The following PITPNM2 variants were observed in gnomAD, a reference collection of about 807,000 sequenced individuals.
PITPNM2 encodes membrane-associated phosphatidylinositol transfer protein 2.
Under a neutral mutation model 132.2 loss-of-function variants are expected in PITPNM2, and 35 were observed. That is an observed-to-expected ratio of 0.26 (90% confidence interval 0.20 to 0.35). The LOEUF (loss-of-function observed/expected upper bound fraction) is 0.35, where lower values mean the gene tolerates loss of function less well. Ranked by LOEUF, PITPNM2 falls within the 10% of genes least tolerant of loss-of-function variation. The pLI is 1.00. For missense variants in PITPNM2, 1,332 were observed against 1,912.0 expected (o/e 0.70, Z 5.66); for synonymous variants, 738 against 799.2 (o/e 0.92, Z 1.29).
chr12:123,011,210 G>T (rs2039189629), intron 5 of PITPNM2, among the ~76,000 whole-genome samples: 1 of 152,230 alleles, frequency 6.6e-6, no homozygotes, highest in African/African-American at 2.4e-5. Context: ...GCCCTTGGCT[G>T]CCTCATTTTC....
At chr12:123,085,610 A>G (rs2042089890) in intron 2 of PITPNM2, among the ~76,000 whole-genome samples, 2 of 152,228 alleles carry the variant, frequency 1.3e-5, no homozygotes, top group African/African-American at 4.8e-5. Flanking sequence ...ACACATTCTA[A>G]ATGTACTTAT....
At chr12:123,068,767 G>C (rs2041530254) in intron 2 of PITPNM2, among the ~76,000 whole-genome samples, 1 of 152,200 alleles carries the variant, frequency 6.6e-6, no homozygotes. Flanking sequence ...TGGAATCTCA[G>C]AGAGCTCCAG....
rs2041834235 is a variant in PITPNM2 at position 123,077,654 on chromosome 12, G to A, written c.-96+32731C>T. Among the ~76,000 whole-genome samples the A allele has an allele frequency of 6.6e-6, 1 of 152,178 alleles. No individual in the cohort carries two copies. The highest frequency in any genetic ancestry group is 6.5e-5 in the Admixed American group (1 of 15,282). On this transcript the variant is annotated intron_variant, in intron 2 of 25. Transcript: ENST00000320201. The surrounding 1 kb of genome is among the most constrained non-coding windows in gnomAD (Gnocchi z 4.8). The stretch of plus-strand genomic sequence containing the variant: ...CCCCTCTGAGTTCTGAGCATGCCAG[G>A]TGAGGCCTCTCCCTCTCTCTCTCCC...
intron 2 of PITPNM2, among the ~76,000 whole-genome samples, chr12:123,061,956 G>A (rs1055376163): frequency 6.6e-6 from 1 of 152,122 alleles, no homozygotes; most frequent in African/African-American, 2.4e-5. Flanking sequence ...TCTAACAAAG[G>A]GACTCTGAGA....
At chr12:123,062,447 C>T (rs2041272086) in intron 2 of PITPNM2, among the ~76,000 whole-genome samples, 1 of 152,124 alleles carries the variant, frequency 6.6e-6, no homozygotes, top group South Asian at 2.1e-4. Context: ...CTGTGGACAG[C>T]ATTGCCCACT....
At chr12:123,017,716 C>G (rs906163256) in intron 3 of PITPNM2, among the ~76,000 whole-genome samples, 6 of 152,216 alleles carry the variant, frequency 3.9e-5, no homozygotes, top group African/African-American at 1.2e-4. Context: ...CATACCACAA[C>G]ATGGATGAAC....
At chr12:123,020,482 A>G (rs979610163) in intron 3 of PITPNM2, among the ~76,000 whole-genome samples, 18 of 152,166 alleles carry the variant, frequency 1.2e-4, no homozygotes, top group African/African-American at 4.1e-4. Flanking sequence ...GAGGAGCACA[A>G]TCTAATCTGG....
chr12:123,100,429 C>T (rs539062461), intron 2 of PITPNM2, among the ~76,000 whole-genome samples: 2 of 152,292 alleles, frequency 1.3e-5, no homozygotes, highest in African/African-American at 4.8e-5. Flanking sequence ...AGATCGAGAC[C>T]AGCCTGACCA....
intron 2 of PITPNM2, among the ~76,000 whole-genome samples, chr12:123,056,870 G>A (rs1256849201): frequency 6.6e-6 from 1 of 152,152 alleles, no homozygotes; most frequent in Non-Finnish European, 1.5e-5. Context: ...GCAGACCCAG[G>A]AGGTGGCAGT....
Position 123,011,181 on chromosome 12 carries a change from T to C in PITPNM2, c.416-1104A>G, listed in dbSNP as rs73411044. Among the ~76,000 whole-genome samples the C allele has an allele frequency of 6.6e-3, 1,005 of 152,324 alleles. 14 individuals are homozygous for C. Among genetic ancestry groups the C allele is most frequent in the African/African-American group, 0.023 (948 of 41,570 alleles). ...TGGCTCACAGAACCCTTTTTTGCGG[T>C]CGGTTCTGCTCTAGCCAGGCCCTTG... On this transcript the variant is annotated intron_variant, in intron 5 of 25. Transcript: ENST00000320201.
At chr12:123,151,569 C>T (rs1363447085), upstream of PITPNM2, among the ~76,000 whole-genome samples, 1 of 152,120 alleles carries the variant, frequency 6.6e-6, no homozygotes, top group Admixed American at 6.5e-5. Context: ...TCCGCGCTCT[C>T]CCCTCAGGAC....
In PITPNM2 at chr12:123,008,351, G is replaced by A. The variant is rs754191964; in HGVS notation, c.643+1499C>T. 1.1e-4 allele frequency among the ~76,000 whole-genome samples: 17 copies of A among 152,226 alleles called. No homozygotes were observed. Among genetic ancestry groups the A allele is most frequent in the Non-Finnish European group, 1.8e-4 (12 of 68,036 alleles). ...CCTGTGCAGGGCTGAACCTAGAGAA[G>A]CCTTGAGGAGAGGGTGGGACGAGTC... is the stretch of plus-strand genomic sequence containing the variant. On this transcript the variant is annotated intron_variant, in intron 6 of 25. Coordinates refer to ENST00000320201, the MANE Select transcript of PITPNM2 (RefSeq NM_020845.3). The surrounding 1 kb of genome is among the most constrained non-coding windows in gnomAD (Gnocchi z 4.1).
intron 5 of PITPNM2, among the ~76,000 whole-genome samples, 163 bp downstream of exon 5, chr12:123,012,450 G>A (rs141268230): frequency 4.6e-5 from 7 of 152,354 alleles, no homozygotes; most frequent in Non-Finnish European, 8.8e-5. Flanking sequence ...GGCCTGCCCT[G>A]CCTCCCCCAT....
At chr12:123,112,473 T>C (rs904252303) in intron 1 of PITPNM2, among the ~76,000 whole-genome samples, 12 of 152,132 alleles carry the variant, frequency 7.9e-5, no homozygotes, top group African/African-American at 2.9e-4. Context: ...ATACATCGTG[T>C]TGCTGTTTCC....
intron 3 of PITPNM2, among the ~76,000 whole-genome samples, chr12:123,017,427 T>C (rs1462618724): frequency 6.6e-6 from 1 of 151,496 alleles, no homozygotes; most frequent in African/African-American, 2.4e-5. Flanking sequence ...CATTACCATA[T>C]GACCAGCAAT....
intron 2 of PITPNM2, among the ~76,000 whole-genome samples, chr12:123,059,756 G>A (rs775655763): frequency 3.9e-5 from 6 of 152,156 alleles, no homozygotes; most frequent in South Asian, 2.1e-4. Context: ...TGAAACATCC[G>A]GAATAGACAA....
In PITPNM2 at chr12:122,984,597, C is replaced by T. The variant is rs1452747166; in HGVS notation, c.*1430G>A. On this transcript the variant is annotated 3_prime_UTR_variant, in exon 26 of 26. Coordinates refer to ENST00000320201, the MANE Select transcript of PITPNM2 (RefSeq NM_020845.3). ...CCACTTTTGCAGAACATTTACACGACCCTTTGGCTGTACATATCTACACAC... is the reference window on the plus strand; with the variant it reads ...CCACTTTTGCAGAACATTTACACGATCCTTTGGCTGTACATATCTACACAC... 2 of 152,178 alleles carry T rather than the reference C, an allele frequency of 1.3e-5. No homozygotes were observed. Among genetic ancestry groups the T allele is most frequent in the Non-Finnish European group, 2.9e-5 (2 of 68,042 alleles). 9.4% of individuals were successfully genotyped at this position (152,178 alleles called of 1,614,324 possible). A position where few individuals can be genotyped will look rare whatever the true frequency, so the allele number is the denominator to read the frequency against.
At chr12:123,046,851 C>T (rs2040675984) in intron 2 of PITPNM2, among the ~76,000 whole-genome samples, 1 of 152,178 alleles carries the variant, frequency 6.6e-6, no homozygotes, top group Non-Finnish European at 1.5e-5. Context: ...GGCTTTGTGT[C>T]ATTATGGTAC....
intron 18 of PITPNM2, 132 bp from the exon 19 acceptor site, chr12:122,989,004 T>A: frequency 2.8e-6 from 3 of 1,081,912 alleles, no homozygotes; most frequent in Non-Finnish European, 3.8e-6. Flanking sequence ...GTGAGTCTTC[T>A]CCCAGGCTGG....
Sources: gnomAD v4.1 joint callset for allele counts (sites outside exome capture counted in the v4.1 genomes callset) on GRCh38, gnomAD v4.1.1 for gene constraint, Gnocchi (gnomAD v3.1) non-coding constraint, MANE v1.5 for transcripts, NCBI Gene and HGNC (gene_info 2026-07-23, HGNC 2026-07-21) for gene names.